Variants in DEPDC5 observed in about 807,000 individuals in gnomAD.
The protein encoded by DEPDC5 is GATOR1 complex protein DEPDC5.
A neutral mutation model predicts 217.3 loss-of-function variants in DEPDC5; 73 were observed. That is an observed-to-expected ratio of 0.34 (90% CI 0.28 to 0.41). DEPDC5 has a LOEUF of 0.41. Among genes scored for constraint, DEPDC5 ranks in the 10% least tolerant of loss-of-function variants. The pLI, the probability that DEPDC5 is intolerant of heterozygous loss-of-function variation, is 1.00. For missense variants in DEPDC5, 1,675 were observed against 2,070.1 expected (o/e 0.81, Z 3.70); for synonymous variants, 733 against 756.7 (o/e 0.97, Z 0.51).
chr22:31,836,906 C>T (rs2091041111), intron 25 of DEPDC5, 66 bp from the exon 26 acceptor site: 2 of 1,435,940 alleles, frequency 1.4e-6, no homozygotes, highest in African/African-American at 1.4e-5. Context: ...CTTCCCTCCC[C>T]TGGCCCCCCA....
At chr22:31,766,753 C>CA in intron 6 of DEPDC5, 85 bp downstream of exon 6, 8 of 1,290,294 alleles carry the variant, frequency 6.2e-6, no homozygotes, top group Non-Finnish European at 8.8e-6. Flanking sequence ...AATATAAAAT[C>CA]GTTTCTGATT....
chr22:31,882,491 T>C (rs1315733443), intron 38 of DEPDC5, among the ~76,000 whole-genome samples: 1 of 152,158 alleles, frequency 6.6e-6, no homozygotes, highest in Non-Finnish European at 1.5e-5. Context: ...TTCAAATAAA[T>C]GCCACGAATC....
At chr22:31,838,634 G>T (rs755620721) in intron 26 of DEPDC5, 51 bp from the exon 27 acceptor site, 6 of 1,598,638 alleles carry the variant, frequency 3.8e-6, no homozygotes, top group Non-Finnish European at 5.1e-6. Flanking sequence ...ACTCTTAAGT[G>T]TCACTGTCTC....
chr22:31,874,415 C>A lies in DEPDC5; in HGVS notation c.3696+10C>A, dbSNP rs755463750. ...CATTGACATCATGCAGGTGAGACAG[C>A]AAGAGGGGCCCATAGAGCTGTTTGC... On this transcript the variant is annotated intron_variant, in intron 36 of 42. Transcript: ENST00000651528. 3.1e-6 allele frequency: 5 copies of A among 1,607,768 alleles called. No homozygotes were observed. The highest frequency in any genetic ancestry group is 2.7e-5 in the African/African-American group (2 of 74,834).
chr22:31,770,083 A>C (rs1443974520), intron 7 of DEPDC5, among the ~76,000 whole-genome samples: 1 of 151,150 alleles, frequency 6.6e-6, no homozygotes, highest in Non-Finnish European at 1.5e-5. Flanking sequence ...AAAAAAAAAA[A>C]AACAGCCAGG....
At chr22:31,796,294 A>G (rs1437970151) in intron 12 of DEPDC5, among the ~76,000 whole-genome samples, 1 of 151,536 alleles carries the variant, frequency 6.6e-6, no homozygotes, top group Non-Finnish European at 1.5e-5. Flanking sequence ...TAGTGGAGAC[A>G]GGGTTTCACC....
chr22:31,818,077 G>A (rs2089331367), intron 21 of DEPDC5, among the ~76,000 whole-genome samples: 3 of 152,082 alleles, frequency 2.0e-5, no homozygotes, highest in Admixed American at 1.3e-4. Flanking sequence ...CATCTGGGTG[G>A]TTGCTTAATG....
intron 25 of DEPDC5, among the ~76,000 whole-genome samples, chr22:31,834,653 A>C (rs7290119): frequency 0.011 from 1,702 of 151,620 alleles, 34 homozygotes; most frequent in African/African-American, 0.038. Flanking sequence ...AGTAGCTGGG[A>C]TTATAGGCGC....
intron 36 of DEPDC5, chr22:31,875,882 C>T: frequency 1.0e-5 from 3 of 287,098 alleles, no homozygotes; most frequent in Middle Eastern, 1.1e-3. Context: ...ATCCACCCCC[C>T]TCAGCCTCCC....
At chr22:31,833,788 A>C (rs531891007) in intron 24 of DEPDC5, 127 bp from the exon 25 acceptor site, 118 of 699,630 alleles carry the variant, frequency 1.7e-4, no homozygotes, top group Non-Finnish European at 2.5e-4. Context: ...TGAAATACTC[A>C]GCACAGAATT....
chr22:31,889,269 A>T (rs182417382), intron 38 of DEPDC5, among the ~76,000 whole-genome samples: 1 of 152,382 alleles, frequency 6.6e-6, no homozygotes, highest in East Asian at 1.9e-4. Context: ...AGCTGGTCTC[A>T]TATCTTTATC....
intron 33 of DEPDC5, among the ~76,000 whole-genome samples, chr22:31,863,902 A>C (rs1371920545): frequency 6.6e-6 from 1 of 151,636 alleles, no homozygotes; most frequent in East Asian, 1.9e-4. Flanking sequence ...CAGCCTGGGC[A>C]ACAGAGTGAG....
At chr22:31,843,269 T>C (rs770851339) in intron 28 of DEPDC5, 57 bp downstream of exon 28, 1 of 1,522,374 alleles carries the variant, frequency 6.6e-7, no homozygotes, top group Non-Finnish European at 9.1e-7. Context: ...GGCCACATAC[T>C]AAATTGTGTG....
chr22:31,800,478 C>T (rs1019271411), intron 14 of DEPDC5, among the ~76,000 whole-genome samples: 6 of 152,070 alleles, frequency 3.9e-5, no homozygotes, highest in African/African-American at 1.4e-4. Flanking sequence ...GCTCTTGGGT[C>T]TTCTGTTGGC....
At chr22:31,817,735 C>T (rs993542700) in intron 21 of DEPDC5, among the ~76,000 whole-genome samples, 4 of 152,090 alleles carry the variant, frequency 2.6e-5, no homozygotes. Context: ...GATCCTTCCA[C>T]CTTGGTCTCC....
At chr22:31,845,335 C>T (rs2091665314) in intron 30 of DEPDC5, 98 bp downstream of exon 30, 1 of 1,422,576 alleles carries the variant, frequency 7.0e-7, no homozygotes, top group Non-Finnish European at 9.6e-7. Flanking sequence ...TACTTATTTA[C>T]TCCTCAGCTG....
chr22:31,786,735 G>A (rs145211769), intron 10 of DEPDC5, among the ~76,000 whole-genome samples: 236 of 152,066 alleles, frequency 1.6e-3, no homozygotes, highest in African/African-American at 5.5e-3. Context: ...TTCTTGAGTG[G>A]TTGGGACTAT....
intron 10 of DEPDC5, among the ~76,000 whole-genome samples, chr22:31,791,251 G>A (rs1209928999): frequency 6.6e-6 from 1 of 151,994 alleles, no homozygotes; most frequent in East Asian, 1.9e-4. Context: ...TCCATCTAGG[G>A]CTTCTGACTC....
At chr22:31,774,853 A>G (rs929500262) in intron 7 of DEPDC5, among the ~76,000 whole-genome samples, 2 of 151,502 alleles carry the variant, frequency 1.3e-5, no homozygotes, top group African/African-American at 4.9e-5. Flanking sequence ...CGATCTCTTG[A>G]CCTCGTGATC....
Sources: allele counts gnomAD v4.1 joint callset (sites outside exome capture counted in the v4.1 genomes callset), GRCh38; gene constraint gnomAD v4.1.1; transcripts MANE v1.5; gene names NCBI Gene and HGNC (gene_info 2026-07-23, HGNC 2026-07-21).